The following TGFB2 variants were observed in gnomAD, a reference collection of about 807,000 sequenced individuals.
TGFB2 encodes transforming growth factor beta-2 proprotein.
TGFB2 carries 13 observed loss-of-function variants against 42.7 expected under a neutral mutation model. The ratio of observed to expected loss-of-function variants is 0.30; its 90% confidence interval spans 0.20 to 0.48. The LOEUF (loss-of-function observed/expected upper bound fraction) is 0.48. Ranked by LOEUF, TGFB2 falls within the 20% of genes least tolerant of loss-of-function variation. The pLI is 0.99. For synonymous variants in TGFB2, 193 were observed against 193.6 expected, an observed-to-expected ratio of 1.00 and a Z score of 0.03; for missense variants, 390 against 517.5, an observed-to-expected ratio of 0.75 and a Z score of 2.39.
chr1:218,367,656 A>T (rs1657429462), intron 1 of TGFB2, among the ~76,000 whole-genome samples: 1 of 152,148 alleles, frequency 6.6e-6, no homozygotes, highest in Non-Finnish European at 1.5e-5. Flanking sequence ...GAATGACTTG[A>T]TAGTGTTCAT....
chr1:218,406,192 T>TACACACACAC (rs35504165), intron 2 of TGFB2, among the ~76,000 whole-genome samples: 31 of 149,082 alleles, frequency 2.1e-4, no homozygotes, highest in African/African-American at 7.4e-4. Context: ...ACCCACTCAA[T>TACACACACAC]ACACACACAC....
In TGFB2 at chr1:218,392,595, C is replaced by CTGTCT. The variant is rs141987757; in HGVS notation, c.347-12560_347-12556dup. Among the ~76,000 whole-genome samples the CTGTCT allele has an allele frequency of 4.7e-3, 714 of 152,286 alleles. 18 individuals carry two copies. In the East Asian group the frequency reaches 0.08, roughly 17 times the overall value. ...TGTCACTGAAGGGTTCTGAGAGAAA[C>CTGTCT]TGTCTTGTCTTGTCTTGTAAAGAAA... is the stretch of plus-strand genomic sequence containing the variant. On this transcript the variant is annotated intron_variant, in intron 1 of 6. Transcript: ENST00000366930.
intron 1 of TGFB2, among the ~76,000 whole-genome samples, chr1:218,347,561 C>G (rs1019047404): frequency 6.6e-6 from 1 of 152,188 alleles, no homozygotes; most frequent in African/African-American, 2.4e-5. Flanking sequence ...TCTATTGTCT[C>G]TAACTACCCT....
chr1:218,394,275 C>A (rs555538441), intron 1 of TGFB2, among the ~76,000 whole-genome samples: 1 of 152,094 alleles, frequency 6.6e-6, no homozygotes, highest in Non-Finnish European at 1.5e-5. Flanking sequence ...ACTGCTAACA[C>A]CCAGTACACC....
intron 1 of TGFB2, among the ~76,000 whole-genome samples, chr1:218,382,817 C>G (rs992251363): frequency 6.6e-6 from 1 of 152,144 alleles, no homozygotes; most frequent in Non-Finnish European, 1.5e-5. Context: ...ACTTCTGCTC[C>G]CAACACAATC....
chr1:218,358,750 G>C (rs2102541004), intron 1 of TGFB2, among the ~76,000 whole-genome samples: 1 of 152,096 alleles, frequency 6.6e-6, no homozygotes, highest in African/African-American at 2.4e-5. Context: ...CACCGTGTTA[G>C]CCAGGATGGT....
At chr1:218,351,468 G>A (rs981464710) in intron 1 of TGFB2, among the ~76,000 whole-genome samples, 3 of 152,056 alleles carry the variant, frequency 2.0e-5, no homozygotes, top group African/African-American at 7.2e-5. Context: ...GTGTCTAATT[G>A]TGGTTACATT....
rs186784326 is a variant in TGFB2, at chr1:218,379,965, G to A, written c.347-25204G>A. The stretch of plus-strand genomic sequence containing the variant: ...ATAACAACAATAATAATACCGATGC[G>A]GTGCTTCATATACTCCAGGCACTCT... On this transcript the variant is annotated intron_variant, in intron 1 of 6. Transcript: ENST00000366930. Among the ~76,000 whole-genome samples, 213 of 152,148 alleles carry A rather than the reference G, an allele frequency of 1.4e-3. 1 individual carries two copies. The highest frequency in any genetic ancestry group is 5.1e-3 in the African/African-American group (212 of 41,488).
chr1:218,356,810 A>C (rs1270385236), intron 1 of TGFB2, among the ~76,000 whole-genome samples: 3 of 152,122 alleles, frequency 2.0e-5, no homozygotes, highest in African/African-American at 7.2e-5. Flanking sequence ...ACTCATGTAG[A>C]CCTCATCTCA....
chr1:218,357,219 G>GAAA (rs569034159), intron 1 of TGFB2, among the ~76,000 whole-genome samples: 4 of 111,904 alleles, frequency 3.6e-5, no homozygotes, highest in Non-Finnish European at 6.1e-5. Flanking sequence ...TCTGAAAAAT[G>GAAA]AAAAAAAAAA....
chr1:218,383,098 A>T (rs1658018173), intron 1 of TGFB2, among the ~76,000 whole-genome samples: 1 of 152,206 alleles, frequency 6.6e-6, no homozygotes, highest in Admixed American at 6.5e-5. Context: ...TCAAGGGAGG[A>T]TAAAGTTAAA....
intron 1 of TGFB2, among the ~76,000 whole-genome samples, chr1:218,369,679 A>G (rs1465023125): frequency 6.6e-6 from 1 of 152,176 alleles, no homozygotes; most frequent in Non-Finnish European, 1.5e-5. Flanking sequence ...CGTCTTTGAC[A>G]TGATGGCCAG....
intron 1 of TGFB2, among the ~76,000 whole-genome samples, chr1:218,369,801 C>A (rs994525384): frequency 3.3e-5 from 5 of 152,200 alleles, no homozygotes; most frequent in Non-Finnish European, 7.3e-5. Flanking sequence ...TTCTTTGGAT[C>A]TGTCCAGCTG....
At position 218,441,433 on chromosome 1, in the gene TGFB2, T is replaced by C. The variant is rs1000936851; in HGVS notation, c.*71T>C. ...ATGATGATGACGACGACAACGATGATGCTTGTAACAAGAAAACATAAGAGA... is the reference window on the plus strand; with the variant it reads ...ATGATGATGACGACGACAACGATGACGCTTGTAACAAGAAAACATAAGAGA... On this transcript the variant is annotated 3_prime_UTR_variant, in exon 7 of 7. Transcript: ENST00000366930. 39 of 1,484,702 alleles carry C rather than the reference T, an allele frequency of 2.6e-5. No homozygotes were observed. Among genetic ancestry groups the C allele is most frequent in the Non-Finnish European group, 3.1e-5 (34 of 1,111,294 alleles). 92.0% of individuals were successfully genotyped at this position (1,484,702 alleles called of 1,614,324 possible). A position where few individuals can be genotyped will look rare whatever the true frequency, so the allele number is the denominator to read the frequency against.
rs192151100 is a variant in TGFB2, at chr1:218,379,575, T to C, written c.347-25594T>C. Among the ~76,000 whole-genome samples the C allele has an allele frequency of 3.8e-3, 569 of 151,662 alleles. 2 individuals are homozygous for C. Among genetic ancestry groups the C allele is most frequent in the African/African-American group, 0.013 (534 of 41,376 alleles). Reference sequence around the variant, plus strand: ...TTCCTCTCTAATGCTCAAATCTAGCTTTCATATTTTTTCTCAAGGTTGTCA... The same window carrying C: ...TTCCTCTCTAATGCTCAAATCTAGCCTTCATATTTTTTCTCAAGGTTGTCA... On this transcript the variant is annotated intron_variant, in intron 1 of 6. Coordinates refer to ENST00000366930, the MANE Select transcript of TGFB2 (RefSeq NM_003238.6).
At chr1:218,375,603 C>T (rs1657715955) in intron 1 of TGFB2, among the ~76,000 whole-genome samples, 1 of 152,078 alleles carries the variant, frequency 6.6e-6, no homozygotes, top group South Asian at 2.1e-4. Flanking sequence ...CTTTCTTATT[C>T]TGAAAACCAT....
At chr1:218,397,338 C>G (rs1164499018) in intron 1 of TGFB2, among the ~76,000 whole-genome samples, 2 of 150,272 alleles carry the variant, frequency 1.3e-5, no homozygotes, top group Non-Finnish European at 3.0e-5. Context: ...CTAAGGCAGG[C>G]GGATCACGAG....
At chr1:218,356,785 G>A (rs940526992) in intron 1 of TGFB2, among the ~76,000 whole-genome samples, 10 of 152,288 alleles carry the variant, frequency 6.6e-5, no homozygotes, top group African/African-American at 2.2e-4. Flanking sequence ...AGGCAGGTCA[G>A]GCAGCTGTGG....
intron 1 of TGFB2, among the ~76,000 whole-genome samples, chr1:218,365,362 G>C (rs1450228874): frequency 1.3e-5 from 2 of 152,164 alleles, no homozygotes; most frequent in East Asian, 3.9e-4. Context: ...GGCCTACCCT[G>C]GTTCTTCGGG....
Sources: allele counts gnomAD v4.1 joint callset (sites outside exome capture counted in the v4.1 genomes callset), GRCh38; gene constraint gnomAD v4.1.1; transcripts MANE v1.5; gene names NCBI Gene and HGNC (gene_info 2026-07-23, HGNC 2026-07-21).